The following TENM3 variants were observed in gnomAD, a reference collection of about 807,000 sequenced individuals.
TENM3 encodes teneurin transmembrane protein 3, also known as teneurin-3.
TENM3 carries 63 observed loss-of-function variants against 255.1 expected under a neutral mutation model. The ratio of observed to expected loss-of-function variants is 0.25; its 90% CI spans 0.20 to 0.30. The LOEUF (loss-of-function observed/expected upper bound fraction) is 0.30. Among genes scored for constraint, TENM3 ranks in the 10% least tolerant of loss-of-function variants. The pLI is 1.00. For synonymous variants in TENM3, 1,306 were observed against 1,322.3 expected, an observed-to-expected ratio of 0.99 and a Z score of 0.27; for missense variants, 2,929 against 3,461.1, an observed-to-expected ratio of 0.85 and a Z score of 3.86.
chr4:181,937,383 T>A, the TENM3 span, among the ~76,000 whole-genome samples: 1 of 152,152 alleles, frequency 6.6e-6, no homozygotes, highest in East Asian at 1.9e-4. Flanking sequence ...TACTTTAAAG[T>A]ACAACTTCTG....
chr4:181,864,383 G>A, the TENM3 span, among the ~76,000 whole-genome samples: 327 of 151,980 alleles, frequency 2.2e-3, 5 homozygotes, highest in African/African-American at 6.4e-3. Context: ...TTTTCACCCC[G>A]TCTACTTGGG....
At chr4:182,632,348 T>A (rs1751449475) in intron 5 of TENM3, among the ~76,000 whole-genome samples, 1 of 152,224 alleles carries the variant, frequency 6.6e-6, no homozygotes, top group South Asian at 2.1e-4. Context: ...TACCACAGAG[T>A]AGGCATGTTT....
the TENM3 span, among the ~76,000 whole-genome samples, chr4:182,032,922 G>T: frequency 6.6e-6 from 1 of 150,932 alleles, no homozygotes; most frequent in African/African-American, 2.4e-5. Context: ...TTGTGTTTGA[G>T]TCTTCACTCT....
At position 182,731,065 on chromosome 4, in the gene TENM3, A is replaced by G. The variant is rs1186808247; in HGVS notation, c.2893A>G (p.Ile965Val). 1 of 1,613,908 alleles carries G rather than the reference A, an allele frequency of 6.2e-7. No individual in the cohort carries two copies. Among genetic ancestry groups the G allele is most frequent in the Admixed American group, 1.7e-5 (1 of 60,022 alleles). The stretch of plus-strand genomic sequence containing the variant: ...GAGTGGATTCGTGAGGCCAAATCCC[A>G]TCATTGTGTCATCACCTTTATCCAC... ...DLSGFVRPNP[I>V]IVSSPLSTFF... is the part of the protein sequence containing the mutation. The change falls in exon 16 of 28, where the codon ATC becomes GTC. Residue 965 changes from isoleucine to valine, a missense_variant. Physicochemically the swap from Ile to Val is conservative, Grantham distance 29. This residue lies in a region of TENM3 where 1,608 missense variants were observed against 1,884.4 expected (regional missense o/e 0.85). Coordinates refer to ENST00000511685, the MANE Select transcript of TENM3 (RefSeq NM_001080477.4).
At chr4:181,602,007 T>C in the TENM3 span, among the ~76,000 whole-genome samples, 1 of 152,190 alleles carries the variant, frequency 6.6e-6, no homozygotes, top group South Asian at 2.1e-4. Context: ...TCTCATCTTG[T>C]GATCTTTAAT....
chr4:181,867,888 C>A, the TENM3 span, among the ~76,000 whole-genome samples: 1 of 151,980 alleles, frequency 6.6e-6, no homozygotes, highest in Admixed American at 6.6e-5. Context: ...AATGTTTATG[C>A]CTCCATTTTG....
the TENM3 span, among the ~76,000 whole-genome samples, chr4:181,977,064 G>A: frequency 6.6e-6 from 1 of 152,158 alleles, no homozygotes; most frequent in Non-Finnish European, 1.5e-5. Flanking sequence ...AGACAGCGTG[G>A]CGTTGTACTT....
chr4:181,715,209 A>G, the TENM3 span, among the ~76,000 whole-genome samples: 7,349 of 152,328 alleles, frequency 0.048, 250 homozygotes, highest in Middle Eastern at 0.15. Flanking sequence ...CCTCAGCAGT[A>G]GAGAAGCTCT....
At chr4:182,487,624 G>A (rs1474086930) in intron 3 of TENM3, among the ~76,000 whole-genome samples, 1 of 152,074 alleles carries the variant, frequency 6.6e-6, no homozygotes, top group Admixed American at 6.6e-5. Flanking sequence ...TCTGGCCAGT[G>A]CAGTTTAATA....
intron 24 of TENM3, among the ~76,000 whole-genome samples, chr4:182,781,949 T>A (rs2152811223): frequency 6.7e-6 from 1 of 148,496 alleles, no homozygotes; most frequent in Non-Finnish European, 1.5e-5. Flanking sequence ...CTCTCTTTTT[T>A]TCTTTATTAG....
chr4:181,487,655 T>C, the TENM3 span, among the ~76,000 whole-genome samples: 1 of 152,174 alleles, frequency 6.6e-6, no homozygotes, highest in African/African-American at 2.4e-5. Flanking sequence ...TTTCCCCATA[T>C]GAATTTGAGG....
the TENM3 span, among the ~76,000 whole-genome samples, chr4:181,876,118 C>A: frequency 8.2e-4 from 125 of 152,254 alleles, no homozygotes; most frequent in African/African-American, 2.9e-3. Flanking sequence ...TATTTATTTT[C>A]TTTGACTATA....
intron 6 of TENM3, among the ~76,000 whole-genome samples, chr4:182,670,478 T>C (rs879308999): frequency 6.6e-6 from 1 of 152,182 alleles, no homozygotes; most frequent in Non-Finnish European, 1.5e-5. Flanking sequence ...TCCTCACTCA[T>C]CTCTTCATGT....
chr4:181,636,871 T>C, the TENM3 span, among the ~76,000 whole-genome samples: 85,366 of 151,998 alleles, frequency 0.56, 24,273 homozygotes, highest in African/African-American at 0.59. Flanking sequence ...ACCAAAGTAC[T>C]TACAGTGCTA....
chr4:182,625,951 C>G (rs1750779589), intron 4 of TENM3, among the ~76,000 whole-genome samples: 1 of 152,082 alleles, frequency 6.6e-6, no homozygotes. Flanking sequence ...TGCTTGTGAG[C>G]AGAGAATGGT....
At chr4:182,696,887 A>C (rs972497149) in intron 12 of TENM3, among the ~76,000 whole-genome samples, 1 of 152,084 alleles carries the variant, frequency 6.6e-6, no homozygotes, top group African/African-American at 2.4e-5. Context: ...AATTATGTAA[A>C]TTTCAGACCC....
chr4:182,450,940 T>G (rs1021532974), intron 3 of TENM3, among the ~76,000 whole-genome samples: 10 of 152,196 alleles, frequency 6.6e-5, no homozygotes, highest in Non-Finnish European at 1.2e-4. Flanking sequence ...TTCCAAATGT[T>G]TTTAATGACT....
At chr4:181,993,124 A>G in the TENM3 span, among the ~76,000 whole-genome samples, 1 of 152,276 alleles carries the variant, frequency 6.6e-6, no homozygotes, top group Admixed American at 6.5e-5. Context: ...ATTTATATGA[A>G]AAATGCCAAA....
At chr4:182,242,002 T>TA (rs1757299729), upstream of TENM3, among the ~76,000 whole-genome samples, 1 of 125,392 alleles carries the variant, frequency 8.0e-6, no homozygotes, top group Non-Finnish European at 1.6e-5. Flanking sequence ...CAATTTGCCT[T>TA]CTTTTTTTTT....
Sources: allele counts gnomAD v4.1 joint callset (sites outside exome capture counted in the v4.1 genomes callset), GRCh38; gene constraint gnomAD v4.1.1; regional missense constraint gnomAD v4.1.1; transcripts MANE v1.5; gene names NCBI Gene and HGNC (gene_info 2026-07-23, HGNC 2026-07-21).